The following COL6A5 variants were observed in gnomAD, a reference collection of about 807,000 sequenced individuals.
COL6A5 encodes collagen type VI alpha 5 chain, also known as collagen alpha-5(VI) chain.
COL6A5 carries 48 observed loss-of-function variants against 65.6 expected under a neutral mutation model. The ratio of observed to expected loss-of-function variants is 0.73; its 90% CI spans 0.58 to 0.93. The LOEUF is 0.93. Ranked by LOEUF, COL6A5 falls within the 40% of genes least tolerant of loss-of-function variation. The pLI is 0.00. For missense variants in COL6A5, 914 were observed against 928.3 expected (o/e 0.98, Z 0.20); for synonymous variants, 291 against 322.8 (o/e 0.90, Z 1.05).
intron 5 of COL6A5, among the ~76,000 whole-genome samples, chr3:130,460,799 G>A (rs1709685945): frequency 6.6e-6 from 1 of 151,584 alleles, no homozygotes; most frequent in Non-Finnish European, 1.5e-5. Flanking sequence ...AAAGTATGAA[G>A]GTGGGGTGGT....
intron 7 of COL6A5, 86 bp from the exon 41 acceptor site, chr3:130,483,949 G>A (rs1710314799): frequency 8.7e-7 from 1 of 1,143,854 alleles, no homozygotes; most frequent in South Asian, 1.4e-5. Flanking sequence ...TGTTTTATAT[G>A]TGGCATATAA....
At chr3:130,452,851 A>G (rs1709478028) in intron 4 of COL6A5, among the ~76,000 whole-genome samples, 2 of 152,132 alleles carry the variant, frequency 1.3e-5, no homozygotes, top group African/African-American at 4.8e-5. Flanking sequence ...CAAGGGGGCC[A>G]TTTTAGAGGC....
intron 1 of COL6A5, among the ~76,000 whole-genome samples, chr3:130,434,229 C>T (rs948865836): frequency 2.0e-5 from 3 of 152,260 alleles, no homozygotes; most frequent in African/African-American, 7.2e-5. Context: ...GGGATGATGG[C>T]TTCCAGCTTC....
upstream of COL6A5, among the ~76,000 whole-genome samples, chr3:130,427,718 TAG>T (rs1476061923): frequency 5.3e-5 from 8 of 151,948 alleles, no homozygotes; most frequent in Non-Finnish European, 8.8e-5. Flanking sequence ...AATGTAAAAT[TAG>T]AGAGTCAGAA....
At chr3:130,399,370 C>CT (rs34407199) in intron 10 of COL6A5, among the ~76,000 whole-genome samples, 16,454 of 130,374 alleles carry the variant, frequency 0.13, 1,142 homozygotes, top group East Asian at 0.25. Flanking sequence ...TCATTTCTTT[C>CT]TTTTTTTTTT....
Position 130,469,244 on chromosome 3 carries a change from T to C in COL6A5, c.1996T>C (p.Ser666Pro), listed in dbSNP as rs192400960. Residue 666 changes from serine (S) to proline (P), a missense_variant, in exon 6 of 8, where the codon TCT becomes CCT. Coordinates refer to ENST00000512836, the Ensembl canonical transcript of COL6A5. ...GAAAAACAAAGTTATCTTTGTAATATCTGCTGGCGAAACCAACTCTTTAGA... is the reference window on the plus strand; with the variant it reads ...GAAAAACAAAGTTATCTTTGTAATACCTGCTGGCGAAACCAACTCTTTAGA... 394 of 1,613,204 alleles carry C rather than the reference T, an allele frequency of 2.4e-4. 1 individual carries two copies. Among genetic ancestry groups the C allele is most frequent in the Admixed American group, 1.7e-4 (10 of 59,884 alleles).
exon 5 of COL6A5, chr3:130,385,313 G>A (rs1315375202): frequency 2.6e-6 from 4 of 1,550,542 alleles, no homozygotes; most frequent in Non-Finnish European, 3.5e-6. Context: ...GAACTTTGAT[G>A]CTTTGAAAAG....
exon 4 of COL6A5, chr3:130,379,823 C>T (rs367852284): frequency 1.5e-4 from 234 of 1,551,344 alleles, no homozygotes; most frequent in African/African-American, 7.3e-4. Context: ...CATGATGCTG[C>T]GCTGAACCTT....
intron 6 of COL6A5, among the ~76,000 whole-genome samples, chr3:130,469,763 A>G (rs1709904921): frequency 1.3e-5 from 2 of 151,984 alleles, no homozygotes; most frequent in African/African-American, 4.8e-5. Context: ...CTTTAAATTG[A>G]TTGTGTCATT....
chr3:130,365,630 T>C (rs1424471569), intron 1 of COL6A5, among the ~76,000 whole-genome samples: 2 of 152,212 alleles, frequency 1.3e-5, no homozygotes, highest in Non-Finnish European at 1.5e-5. Context: ...CACAATGTTA[T>C]AGCTGTTATT....
intron 4 of COL6A5, among the ~76,000 whole-genome samples, chr3:130,446,958 A>C (rs1709320405): frequency 6.6e-6 from 1 of 152,126 alleles, no homozygotes; most frequent in South Asian, 2.1e-4. Flanking sequence ...AGTGGGGAGT[A>C]GTTAAATCAT....
intron 7 of COL6A5, among the ~76,000 whole-genome samples, chr3:130,479,716 A>T (rs1710190164): frequency 6.6e-6 from 1 of 152,176 alleles, no homozygotes; most frequent in Non-Finnish European, 1.5e-5. Context: ...TGAAGTAAAA[A>T]CATATAGAAA....
chr3:130,469,045 G>T (rs758139915), exon 6 of COL6A5: 2 of 1,612,860 alleles, frequency 1.2e-6, no homozygotes, highest in Admixed American at 3.3e-5. Flanking sequence ...CAGGCTATAT[G>T]CCTAACACTG....
intron 10 of COL6A5, 61 bp downstream of exon 10, chr3:130,398,172 C>A: frequency 1.7e-6 from 2 of 1,181,876 alleles, no homozygotes; most frequent in Non-Finnish European, 2.4e-6. Flanking sequence ...AGTCTGTCAC[C>A]CAGGTTGGAG....
At chr3:130,396,108 C>T (rs1337587426) in intron 8 of COL6A5, among the ~76,000 whole-genome samples, 1 of 152,166 alleles carries the variant, frequency 6.6e-6, no homozygotes, top group African/African-American at 2.4e-5. Flanking sequence ...TGATGCATCT[C>T]ACAGGAATGC....
intron 20 of COL6A5, among the ~76,000 whole-genome samples, chr3:130,413,261 G>T (rs1463594271): frequency 6.8e-6 from 1 of 147,714 alleles, no homozygotes; most frequent in East Asian, 1.9e-4. Context: ...GGATCTTCAG[G>T]ATGATTTGAT....
chr3:130,463,876 A>G (rs540948871), intron 5 of COL6A5, among the ~76,000 whole-genome samples: 4 of 152,168 alleles, frequency 2.6e-5, no homozygotes, highest in African/African-American at 7.2e-5. Flanking sequence ...CATCATCCAC[A>G]TTTAGCTTCT....
chr3:130,400,219 A>G (rs1199971236), intron 10 of COL6A5, among the ~76,000 whole-genome samples: 1 of 152,078 alleles, frequency 6.6e-6, no homozygotes, highest in African/African-American at 2.4e-5. Context: ...CAATTTTTCC[A>G]AGAAACCTTC....
At chr3:130,433,624 C>G (rs1040044796) in intron 1 of COL6A5, among the ~76,000 whole-genome samples, 2 of 152,124 alleles carry the variant, frequency 1.3e-5, no homozygotes, top group Admixed American at 1.3e-4. Context: ...TCCCTCCTTC[C>G]AATCCTCTTC....
Sources: allele counts gnomAD v4.1 joint callset (sites outside exome capture counted in the v4.1 genomes callset), GRCh38; gene constraint gnomAD v4.1.1; transcripts MANE v1.5; gene names NCBI Gene and HGNC (gene_info 2026-07-23, HGNC 2026-07-21).